Variants in CDC42SE2 observed in about 807,000 individuals in gnomAD.
CDC42SE2 encodes the protein CDC42 small effector protein 2.
Under a neutral mutation model 11.5 loss-of-function variants are expected in CDC42SE2, and 3 were observed. That is an observed-to-expected ratio of 0.26 (90% confidence interval 0.12 to 0.67). The LOEUF (loss-of-function observed/expected upper bound fraction) is 0.67, where lower values mean the gene tolerates loss of function less well. Among genes scored for constraint, CDC42SE2 ranks in the 30% least tolerant of loss-of-function variants. The pLI, the probability that CDC42SE2 is intolerant of heterozygous loss-of-function variation, is 0.80. For synonymous variants in CDC42SE2, 33 were observed against 34.8 expected (o/e 0.95, Z 0.18); for missense variants, 82 against 106.8 (o/e 0.77, Z 1.02).
chr5:131,361,986 G>A lies in CDC42SE2; in HGVS notation c.54+2439G>A, dbSNP rs563862492. 8.5e-5 allele frequency among the ~76,000 whole-genome samples: 13 copies of A among 152,242 alleles called. 2 individuals carry two copies. In the South Asian group the frequency reaches 2.5e-3, roughly 29 times the overall value. Reference sequence around the variant, plus strand: ...TATGTGTCTGCCTGCTAGGGTCTTGGGTTTTTATAGGCCCAGGATGGGGGC... The same window carrying A: ...TATGTGTCTGCCTGCTAGGGTCTTGAGTTTTTATAGGCCCAGGATGGGGGC... On this transcript the variant is annotated intron_variant, in intron 3 of 4. Coordinates refer to ENST00000505065, the MANE Select transcript of CDC42SE2 (RefSeq NM_001375635.1).
chr5:131,382,068 A>G (rs572925868), intron 3 of CDC42SE2, among the ~76,000 whole-genome samples: 6 of 152,336 alleles, frequency 3.9e-5, no homozygotes, highest in African/African-American at 1.4e-4. Flanking sequence ...GAAACCTTCC[A>G]ATACTAAGGT....
At chr5:131,293,440 C>T (rs1369508969) in intron 1 of CDC42SE2, among the ~76,000 whole-genome samples, 5 of 152,142 alleles carry the variant, frequency 3.3e-5, no homozygotes, top group African/African-American at 1.2e-4. Context: ...GACGTGGTGG[C>T]GGGTGCCTGT....
intron 3 of CDC42SE2, among the ~76,000 whole-genome samples, chr5:131,366,623 T>C (rs1749865271): frequency 6.6e-6 from 1 of 152,150 alleles, no homozygotes; most frequent in African/African-American, 2.4e-5. Flanking sequence ...TTGTAAACCA[T>C]GTGGTTGTTG....
At chr5:131,287,751 G>C (rs1757371422) in intron 1 of CDC42SE2, among the ~76,000 whole-genome samples, 1 of 152,128 alleles carries the variant, frequency 6.6e-6, no homozygotes, top group Non-Finnish European at 1.5e-5. Flanking sequence ...TGGAATTACA[G>C]GTGTGAAGCA....
intron 1 of CDC42SE2, among the ~76,000 whole-genome samples, chr5:131,307,211 C>T (rs1312280318): frequency 9.9e-6 from 1 of 101,124 alleles, no homozygotes; most frequent in Admixed American, 1.4e-4. Context: ...TGCTATCCCT[C>T]CCCCCTCCCC....
intron 2 of CDC42SE2, among the ~76,000 whole-genome samples, chr5:131,325,332 TG>T (rs1758273534): frequency 6.6e-6 from 1 of 152,212 alleles, no homozygotes; most frequent in Admixed American, 6.5e-5. Context: ...ATTGAATATT[TG>T]AATAGATATG....
the CDC42SE2 span, among the ~76,000 whole-genome samples, chr5:131,238,324 C>T: frequency 6.6e-6 from 1 of 151,816 alleles, no homozygotes. Context: ...GGTGAAAACC[C>T]GTCTCTACTA....
chr5:131,315,165 G>A (rs910993608), intron 1 of CDC42SE2, among the ~76,000 whole-genome samples: 2 of 151,962 alleles, frequency 1.3e-5, no homozygotes, highest in African/African-American at 2.4e-5. Flanking sequence ...GGTTGGACAC[G>A]TTAGATTTTA....
chr5:131,306,714 A>G (rs774059772), intron 1 of CDC42SE2, among the ~76,000 whole-genome samples: 18 of 152,156 alleles, frequency 1.2e-4, no homozygotes, highest in Non-Finnish European at 2.2e-4. Context: ...AAAGATTCCA[A>G]TCCCTGAACA....
intron 1 of CDC42SE2, among the ~76,000 whole-genome samples, chr5:131,247,558 G>T (rs949040598): frequency 1.3e-5 from 2 of 152,024 alleles, no homozygotes; most frequent in South Asian, 2.1e-4. Flanking sequence ...GGTGGAAGCT[G>T]CAGTGAGCTG....
At chr5:131,213,820 C>T in the CDC42SE2 span, among the ~76,000 whole-genome samples, 1 of 152,240 alleles carries the variant, frequency 6.6e-6, no homozygotes, top group Non-Finnish European at 1.5e-5. Context: ...GTTAATATCT[C>T]TAGTCTTCTG....
the CDC42SE2 span, among the ~76,000 whole-genome samples, chr5:131,216,501 C>CAAAAAAAAAAAAAAAAAAAAAA: frequency 1.2e-4 from 5 of 42,166 alleles, no homozygotes; most frequent in African/African-American, 5.2e-4. Context: ...GAACCTGTCT[C>CAAAAAAAAAAAAAAAAAAAAAA]AAAAAAAAAA....
At chr5:131,320,712 G>T (rs368407160) in intron 2 of CDC42SE2, among the ~76,000 whole-genome samples, 2 of 152,138 alleles carry the variant, frequency 1.3e-5, no homozygotes, top group East Asian at 3.9e-4. Flanking sequence ...CTGCACTCCA[G>T]CCTGGGCGAC....
intron 2 of CDC42SE2, among the ~76,000 whole-genome samples, chr5:131,347,692 A>G (rs1379292404): frequency 6.6e-6 from 1 of 152,170 alleles, no homozygotes; most frequent in Non-Finnish European, 1.5e-5. Context: ...CAGAGACACA[A>G]CAAAAAAAGA....
chr5:131,367,272 T>G (rs1427069133), intron 3 of CDC42SE2, among the ~76,000 whole-genome samples: 1 of 152,064 alleles, frequency 6.6e-6, no homozygotes, highest in Non-Finnish European at 1.5e-5. Flanking sequence ...GTTTCTAGTT[T>G]TAAGTTTTTT....
At chr5:131,381,312 GTTTTTTTTTGTTT>G (rs1466143287) in intron 3 of CDC42SE2, among the ~76,000 whole-genome samples, 6 of 148,588 alleles carry the variant, frequency 4.0e-5, no homozygotes, top group African/African-American at 7.5e-5. Flanking sequence ...ACCAAGTGCT[GTTTTTTTTTGTTT>G]TTTTTTTTGT....
rs555568600 is a variant in CDC42SE2 at position 131,313,930 on chromosome 5, C to G, written c.-454-2046C>G. ...GCAACCTCTGTCTCCTGGGTTCAAG[C>G]GATCCTCCTGCCTCGGCCTTCCGAG... On this transcript the variant is annotated intron_variant, in intron 1 of 4. Coordinates refer to ENST00000505065, the MANE Select transcript of CDC42SE2 (RefSeq NM_001375635.1). Among the ~76,000 whole-genome samples the G allele has an allele frequency of 1.4e-3, 214 of 152,164 alleles. 1 individual carries two copies. The highest frequency in any genetic ancestry group is 5.1e-3 in the African/African-American group (210 of 41,508).
At chr5:131,250,375 C>T (rs974070635) in intron 1 of CDC42SE2, among the ~76,000 whole-genome samples, 4 of 152,160 alleles carry the variant, frequency 2.6e-5, no homozygotes, top group Non-Finnish European at 5.9e-5. Context: ...AGGTTCTACA[C>T]TATTACATAG....
At chr5:131,301,591 C>T (rs1371590033) in intron 1 of CDC42SE2, among the ~76,000 whole-genome samples, 1 of 152,002 alleles carries the variant, frequency 6.6e-6, no homozygotes, top group Non-Finnish European at 1.5e-5. Context: ...TACCCTGTCT[C>T]TACTAAAAAT....
Sources: allele counts gnomAD v4.1 joint callset (sites outside exome capture counted in the v4.1 genomes callset), GRCh38; gene constraint gnomAD v4.1.1; transcripts MANE v1.5; gene names NCBI Gene and HGNC (gene_info 2026-07-23, HGNC 2026-07-21).